UGT1A10: variants seen among roughly 807,000 people sequenced by gnomAD.
The protein encoded by UGT1A10 is UDP glucuronosyltransferase family 1 member A10, also known as UDP-glucuronosyltransferase 1A10.
A neutral mutation model predicts 45.8 loss-of-function variants in UGT1A10; 49 were observed. The observed-to-expected ratio is 1.07, with a 90% CI of 0.85 to 1.36. The LOEUF (loss-of-function observed/expected upper bound fraction) is 1.36. Among genes scored for constraint, UGT1A10 ranks in the 40% most tolerant of loss-of-function variants. The pLI is 0.00. For missense variants in UGT1A10, 745 were observed against 668.6 expected (o/e 1.11, Z -1.26); for synonymous variants, 284 against 249.7 (o/e 1.14, Z -1.29).
chr2:233,763,185 T>A (rs137981544), intron 1 of UGT1A10, among the ~76,000 whole-genome samples: 97 of 152,380 alleles, frequency 6.4e-4, no homozygotes, highest in African/African-American at 2.1e-3. Flanking sequence ...ATATTTGTTG[T>A]TGCCTTGTTT....
At chr2:233,731,342 T>C (rs749214489) in intron 1 of UGT1A10, among the ~76,000 whole-genome samples, 10 of 152,040 alleles carry the variant, frequency 6.6e-5, no homozygotes, top group Non-Finnish European at 1.2e-4. Context: ...AATTGCAGGT[T>C]TGATACATAG....
chr2:233,736,282 T>A lies in UGT1A10; in HGVS notation c.856-30752T>A, dbSNP rs1290263740. ...ATTTGATCTTCAGTCACTGATACCC[T>A]TTCTTCCAGTTGCTCTAATCAGCTA... On this transcript the variant is annotated intron_variant, in intron 1 of 4. Coordinates refer to ENST00000344644, the MANE Select transcript of UGT1A10 (RefSeq NM_019075.4). Among the ~76,000 whole-genome samples the A allele has an allele frequency of 2.6e-5, 4 of 152,226 alleles. No individual in the cohort carries two copies. The East Asian group carries it at 7.7e-4, about 29-fold the overall frequency.
intron 1 of UGT1A10, chr2:233,712,968 C>A (rs371730914): frequency 1.6e-5 from 26 of 1,612,856 alleles, no homozygotes; most frequent in Admixed American, 3.3e-5. Flanking sequence ...GGTGGACAGT[C>A]AGCTGTCGGT....
chr2:233,681,548 A>T (rs1443881334), intron 1 of UGT1A10, among the ~76,000 whole-genome samples: 5 of 151,748 alleles, frequency 3.3e-5, no homozygotes, highest in African/African-American at 9.7e-5. Context: ...AAAAAAAAAA[A>T]AAAAAATTGC....
chr2:233,649,724 AAAC>A (rs2073693123), intron 1 of UGT1A10, among the ~76,000 whole-genome samples: 2 of 152,206 alleles, frequency 1.3e-5, no homozygotes, highest in Non-Finnish European at 2.9e-5. Context: ...AACTTCTTCA[AAAC>A]AACAATGATA....
chr2:233,747,935 G>A lies in UGT1A10; in HGVS notation c.856-19099G>A, dbSNP rs926713638. On this transcript the variant is annotated intron_variant, in intron 1 of 4. Transcript: ENST00000344644. The stretch of plus-strand genomic sequence containing the variant: ...GCCTTGCCTCTGAGCTTTTTCAGAG[G>A]GAGGTGTCAGTGGTGGATCTTCTCA... 5.5e-5 allele frequency: 89 copies of A among 1,613,314 alleles called. No individual in the cohort carries two copies. In the Admixed American group the frequency reaches 6.2e-4, roughly 11 times the overall value.
At chr2:233,710,590 A>G (rs2076138016) in intron 1 of UGT1A10, among the ~76,000 whole-genome samples, 1 of 152,132 alleles carries the variant, frequency 6.6e-6, no homozygotes, top group Non-Finnish European at 1.5e-5. Flanking sequence ...TCTTCCGCAC[A>G]CCTTTATTGG....
In UGT1A10 at chr2:233,754,967, C is replaced by T. The variant is rs562774815; in HGVS notation, c.856-12067C>T. ...ATGGGTCCCGGCCGCCAAAGAACTC[C>T]CTGAAGACCTCGGCGGGGTCACGGA... On this transcript the variant is annotated intron_variant, in intron 1 of 4. Coordinates refer to ENST00000344644, the MANE Select transcript of UGT1A10 (RefSeq NM_019075.4). 6 of 1,302,806 alleles carry T rather than the reference C, an allele frequency of 4.6e-6. No homozygotes were observed. In the African/African-American group the frequency reaches 7.5e-5, roughly 16 times the overall value. 80.7% of individuals were successfully genotyped at this position (1,302,806 alleles called of 1,614,324 possible). A position where few individuals can be genotyped will look rare whatever the true frequency, so the allele number is the denominator to read the frequency against.
intron 1 of UGT1A10, among the ~76,000 whole-genome samples, chr2:233,761,384 C>T (rs564518186): frequency 1.3e-5 from 2 of 152,326 alleles, no homozygotes; most frequent in South Asian, 4.1e-4. Flanking sequence ...ACTCTGTGTG[C>T]TCCAGTGGAT....
chr2:233,695,874 AG>A (rs2075311713), intron 1 of UGT1A10, among the ~76,000 whole-genome samples: 1 of 152,216 alleles, frequency 6.6e-6, no homozygotes, highest in Admixed American at 6.5e-5. Flanking sequence ...CAAACAACGC[AG>A]AAAACTTCAG....
chr2:233,670,375 CT>C lies in UGT1A10; in HGVS notation c.855+33004del, dbSNP rs2074158663. On this transcript the variant is annotated intron_variant, in intron 1 of 4. Coordinates refer to ENST00000344644, the MANE Select transcript of UGT1A10 (RefSeq NM_019075.4). ...GAATTACATCATAATTATTATTTGACTTTTTTGCCTTTGCAATTCTTTGAAA... is the reference window on the plus strand; with the variant it reads ...GAATTACATCATAATTATTATTTGACTTTTTGCCTTTGCAATTCTTTGAAA... Among the ~76,000 whole-genome samples the C allele has an allele frequency of 2.6e-5, 4 of 152,326 alleles. No individual in the cohort carries two copies. The South Asian group carries it at 8.3e-4, about 32-fold the overall frequency.
chr2:233,649,646 A>G (rs2125474572), intron 1 of UGT1A10, among the ~76,000 whole-genome samples: 1 of 152,346 alleles, frequency 6.6e-6, no homozygotes, highest in East Asian at 1.9e-4. Context: ...TAATTGCATA[A>G]AAGTCTTTAC....
chr2:233,636,871 C>T lies in UGT1A10; in HGVS notation c.349C>T (p.Leu117Phe), dbSNP rs45507501. 4 of 1,614,076 alleles carry T rather than the reference C, an allele frequency of 2.5e-6. No individual in the cohort carries two copies. The highest frequency in any genetic ancestry group is 2.2e-5 in the East Asian group (1 of 44,880). ...ATTAATGAGTTCATCCAGTGGTTTT[C>T]TTGACTTATTTTTTTCGCATTGCAG... ...SLLMSSSSGFLDLFFSHCRSL... is the reference protein window; with the variant it reads ...SLLMSSSSGFFDLFFSHCRSL... Residue 117 changes from leucine (L) to phenylalanine (F), a missense_variant, in exon 1 of 5, where the codon CTT (leucine) becomes TTT (phenylalanine). Leu to Phe is a conservative substitution (Grantham distance 22). Coordinates refer to ENST00000344644, the MANE Select transcript of UGT1A10 (RefSeq NM_019075.4).
At chr2:233,758,809 A>G (rs563319079) in intron 1 of UGT1A10, among the ~76,000 whole-genome samples, 28 of 152,366 alleles carry the variant, frequency 1.8e-4, no homozygotes, top group Non-Finnish European at 3.7e-4. Flanking sequence ...TGTATAGTAC[A>G]GCAGTATATC....
intron 1 of UGT1A10, among the ~76,000 whole-genome samples, chr2:233,736,037 C>T (rs2078722692): frequency 6.6e-6 from 1 of 152,038 alleles, no homozygotes; most frequent in African/African-American, 2.4e-5. Flanking sequence ...TCTGTATTTC[C>T]TGAATTTGAA....
Position 233,662,575 on chromosome 2 carries a change from C to T in UGT1A10, c.855+25198C>T, listed in dbSNP as rs2073997993. The stretch of plus-strand genomic sequence containing the variant: ...ATTTCCCCATAGATGATCATGTTGA[C>T]TGTGAATGAGATCCTTTTACTTTTC... On this transcript the variant is annotated intron_variant, in intron 1 of 4. Coordinates refer to ENST00000344644, the MANE Select transcript of UGT1A10 (RefSeq NM_019075.4). Among the ~76,000 whole-genome samples, 4 of 152,156 alleles carry T rather than the reference C, an allele frequency of 2.6e-5. No individual in the cohort carries two copies. In the South Asian group the frequency reaches 8.3e-4, roughly 32 times the overall value.
At chr2:233,738,878 T>C (rs1427489972) in intron 1 of UGT1A10, 3 of 152,250 alleles carry the variant, frequency 2.0e-5, no homozygotes, top group Admixed American at 6.5e-5. Flanking sequence ...CTCCAGGGCA[T>C]GTCAGAGACC....
At position 233,769,732 on chromosome 2, in the gene UGT1A10, G is replaced by A; in HGVS notation, c.1295+1293G>A. The A allele has an allele frequency of 2.7e-6, 4 of 1,465,694 alleles. No homozygotes were observed. Among genetic ancestry groups the A allele is most frequent in the South Asian group, 2.9e-5 (2 of 70,094 alleles). 90.8% of individuals were successfully genotyped at this position (1,465,694 alleles called of 1,614,324 possible). ...TGGCTAGGCACCATGGCACACGCCT[G>A]TAGTCCCAGCCACTCTGGAGGCTAA... On this transcript the variant is annotated intron_variant, in intron 4 of 4. Coordinates refer to ENST00000344644, the MANE Select transcript of UGT1A10 (RefSeq NM_019075.4). This position sits in a 1 kb window ranked among gnomAD's most constrained non-coding sequence, Gnocchi z 4.4.
At chr2:233,717,046 C>T (rs1379018729) in intron 1 of UGT1A10, among the ~76,000 whole-genome samples, 1 of 152,138 alleles carries the variant, frequency 6.6e-6, no homozygotes, top group African/African-American at 2.4e-5. Flanking sequence ...CATGGGCCTC[C>T]GCAGGGTCTA....
Sources: gnomAD v4.1 joint callset for allele counts (sites outside exome capture counted in the v4.1 genomes callset) on GRCh38, gnomAD v4.1.1 for gene constraint, Gnocchi (gnomAD v3.1) non-coding constraint, MANE v1.5 for transcripts, NCBI Gene and HGNC (gene_info 2026-07-23, HGNC 2026-07-21) for gene names.